Variants in PRDM1 observed in about 807,000 individuals in gnomAD.
PRDM1 encodes the protein PR/SET domain 1.
A neutral mutation model predicts 62.8 loss-of-function variants in PRDM1; 13 were observed. That is an observed-to-expected ratio of 0.21 (90% CI 0.13 to 0.33). The LOEUF (loss-of-function observed/expected upper bound fraction) is 0.33. Ranked by LOEUF, PRDM1 falls within the 10% of genes least tolerant of loss-of-function variation. The pLI, the probability that PRDM1 is intolerant of heterozygous loss-of-function variation, is 1.00. For missense variants in PRDM1, 895 were observed against 1,058.8 expected, an observed-to-expected ratio of 0.85 and a Z score of 2.15; for synonymous variants, 396 against 417.6, an observed-to-expected ratio of 0.95 and a Z score of 0.63.
chr6:106,006,871 T>C (rs531185091), intron 1 of PRDM1, among the ~76,000 whole-genome samples: 3 of 151,990 alleles, frequency 2.0e-5, no homozygotes, highest in South Asian at 4.2e-4. Flanking sequence ...CACAGTAAGC[T>C]TAAAAATGTC....
rs750126221 is a variant in PRDM1, at chr6:106,105,065, G to T, written c.905G>T (p.Arg302Leu). Residue 302 changes from arginine to leucine, a missense_variant, in exon 5 of 7, where the codon CGG becomes CTG. Arg to Leu is a moderately radical substitution (Grantham distance 102, BLOSUM62 -2). Coordinates refer to ENST00000369096, the MANE Select transcript of PRDM1 (RefSeq NM_001198.4). ...TACCCTCGGGTCGTTTACCCCATCC[G>T]GGCCCCTCTGCCAGAAGACTTTTTG... is the stretch of plus-strand genomic sequence containing the variant. ...PFYPRVVYPI[R>L]APLPEDFLKA... is the part of the protein sequence containing the mutation. The T allele has an allele frequency of 1.9e-6, 3 of 1,613,988 alleles. No individual in the cohort carries two copies. Among genetic ancestry groups the T allele is most frequent in the Non-Finnish European group, 2.5e-6 (3 of 1,179,996 alleles).
chr6:106,093,969 GA>G (rs1048903052), intron 2 of PRDM1, among the ~76,000 whole-genome samples: 4 of 151,088 alleles, frequency 2.6e-5, no homozygotes, highest in South Asian at 2.1e-4. Flanking sequence ...AATTGTTTTA[GA>G]AAAAAAAATC....
chr6:106,028,728 T>G (rs1407928039), intron 1 of PRDM1, among the ~76,000 whole-genome samples: 1 of 152,136 alleles, frequency 6.6e-6, no homozygotes, highest in African/African-American at 2.4e-5. Flanking sequence ...GTTGAGATGA[T>G]GAACATTCCA....
At chr6:106,013,368 C>T (rs1464864548) in intron 1 of PRDM1, among the ~76,000 whole-genome samples, 1 of 144,878 alleles carries the variant, frequency 6.9e-6, no homozygotes, top group Non-Finnish European at 1.5e-5. Flanking sequence ...CTCTTTGTTG[C>T]TCGGGCTGGA....
chr6:106,067,187 C>G (rs528909009), intron 1 of PRDM1, among the ~76,000 whole-genome samples: 43 of 152,230 alleles, frequency 2.8e-4, no homozygotes, highest in Non-Finnish European at 4.9e-4. Context: ...GACATTTAAC[C>G]GATTCCACAT....
chr6:106,106,819 T>A lies in PRDM1; in HGVS notation c.1903-92T>A, dbSNP rs1774505462. ...TTCTCACCTCCTAGGTTGCTGGGCGTTGGCCGGTAAGCCTGCCCCTCCCGT... is the reference window on the plus strand; with the variant it reads ...TTCTCACCTCCTAGGTTGCTGGGCGATGGCCGGTAAGCCTGCCCCTCCCGT... On this transcript the variant is annotated intron_variant, in intron 6 of 6. Transcript: ENST00000369096. This position sits in a 1 kb window ranked among gnomAD's most constrained non-coding sequence, Gnocchi z 4.4. The A allele has an allele frequency of 7.2e-7, 1 of 1,388,546 alleles. No individual in the cohort carries two copies. The highest frequency in any genetic ancestry group is 1.4e-5 in the African/African-American group (1 of 69,438). 86.0% of individuals were successfully genotyped at this position (1,388,546 alleles called of 1,614,324 possible).
chr6:106,034,724 C>T lies in PRDM1; in HGVS notation c.-67+41085C>T, dbSNP rs558346107. Among the ~76,000 whole-genome samples, 6 of 151,032 alleles carry T rather than the reference C, an allele frequency of 4.0e-5. No homozygotes were observed. In the East Asian group the frequency reaches 7.8e-4, roughly 20 times the overall value. On this transcript the variant is annotated intron_variant, in intron 1 of 6. Transcript: ENST00000652320. ...TTAGCTCACTGCAACCTCCACCTCC[C>T]GGGTTCAAGTGATTCTCCTGTCTCA...
intron 1 of PRDM1, among the ~76,000 whole-genome samples, chr6:106,015,877 T>C (rs1453008262): frequency 6.6e-6 from 1 of 152,142 alleles, no homozygotes; most frequent in Non-Finnish European, 1.5e-5. Flanking sequence ...TCAAGTATGC[T>C]ATTCAGTAGC....
rs1774527025 is a variant in PRDM1 at position 106,107,413 on chromosome 6, T to C, written c.2405T>C (p.Leu802Ser). Reference sequence around the variant, plus strand: ...TCATCAGATCTACCCCTCATGAAGTTGCCTCCCAGCAACCCACTACCTCTG... The same window carrying C: ...TCATCAGATCTACCCCTCATGAAGTCGCCTCCCAGCAACCCACTACCTCTG... ...YESSDLPLMK[L>S]PPSNPLPLVP... is the part of the protein sequence containing the mutation. Residue 802 changes from leucine to serine, a missense_variant, in exon 7 of 7, where the codon TTG (leucine) becomes TCG (serine). By Grantham distance (145) the Leu-to-Ser change is moderately radical. This residue lies in a region of PRDM1 where 164 missense variants were observed against 179.9 expected (regional missense o/e 0.91). Coordinates refer to ENST00000369096, the MANE Select transcript of PRDM1 (RefSeq NM_001198.4). 1 of 1,613,988 alleles carries C rather than the reference T, an allele frequency of 6.2e-7. No homozygotes were observed. The highest frequency in any genetic ancestry group is 1.7e-5 in the Admixed American group (1 of 60,006).
rs1396658975 is a variant in PRDM1 at position 106,107,820 on chromosome 6, A to G, written c.*334A>G. 5 of 231,978 alleles carry G rather than the reference A, an allele frequency of 2.2e-5. No homozygotes were observed. In the South Asian group the frequency reaches 5.4e-4, roughly 25 times the overall value. 14.4% of individuals were successfully genotyped at this position (231,978 alleles called of 1,614,324 possible). ...CCATTACTAAGACTATTACCTAGTC[A>G]TAATTATTTTTTCAATGATAATCCT... On this transcript the variant is annotated 3_prime_UTR_variant, in exon 7 of 7. Transcript: ENST00000369096.
intron 2 of PRDM1, among the ~76,000 whole-genome samples, chr6:106,094,172 T>G (rs1314146342): frequency 1.3e-5 from 2 of 152,236 alleles, no homozygotes; most frequent in Non-Finnish European, 2.9e-5. Flanking sequence ...AGTCTACCAT[T>G]TCAGGTACAT....
rs541943092 is a variant in PRDM1 at position 106,009,033 on chromosome 6, G to A, written c.-67+15394G>A. ...CAGCAACTGAACACAGGCCCCTCAC[G>A]GCAGTGGTTATATTCTGCCACGTTC... On this transcript the variant is annotated intron_variant, in intron 1 of 6. Transcript: ENST00000652320. Among the ~76,000 whole-genome samples the A allele has an allele frequency of 3.1e-4, 47 of 152,238 alleles. No homozygotes were observed. The South Asian group carries it at 8.5e-3, about 28-fold the overall frequency.
rs111943491 is a variant in PRDM1, at chr6:106,066,612, C to G, written c.-67+17898C>G. ...GGGCATTCTTCTGTTCCTTTCCTGT[C>G]TAACTTTTTTCCTAATTATAAAAGT... On this transcript the variant is annotated intron_variant, in intron 1 of 6. Coordinates refer to the PRDM1 transcript ENST00000651185. 4.4e-3 allele frequency among the ~76,000 whole-genome samples: 673 copies of G among 152,198 alleles called. 5 individuals carry two copies. Among genetic ancestry groups the G allele is most frequent in the African/African-American group, 0.015 (643 of 41,532 alleles).
chr6:106,049,860 C>T (rs762166236), intron 1 of PRDM1, among the ~76,000 whole-genome samples: 1 of 152,158 alleles, frequency 6.6e-6, no homozygotes, highest in Non-Finnish European at 1.5e-5. Context: ...CTTGTTCTCT[C>T]GATTGTCCGT....
At chr6:106,098,897 A>G (rs1325571865) in intron 3 of PRDM1, 1 of 1,509,802 alleles carries the variant, frequency 6.6e-7, no homozygotes, top group Non-Finnish European at 8.9e-7. Flanking sequence ...TCTTCTACCC[A>G]GTGACTCAAA....
rs768899434 is a variant in PRDM1, at chr6:106,105,726, C to A, written c.1566C>A (p.Ala522=). The change falls in exon 5 of 7, where the codon GCC becomes GCA. Residue 522 remains alanine, a synonymous_variant. Transcript: ENST00000369096. Reference sequence around the variant, plus strand: ...GCGGGTCTCCCACGGCGGGAACAGCCGCCACGGCAGAACATGTGGTGCAGC... The same window carrying A: ...GCGGGTCTCCCACGGCGGGAACAGCAGCCACGGCAGAACATGTGGTGCAGC... ...PTSGSPTAGT[A]ATAEHVVQPK... The A allele has an allele frequency of 6.2e-6, 10 of 1,613,726 alleles. No individual in the cohort carries two copies. The highest frequency in any genetic ancestry group is 7.6e-6 in the Non-Finnish European group (9 of 1,179,942).
At chr6:106,032,325 ATT>A (rs71006666) in intron 1 of PRDM1, among the ~76,000 whole-genome samples, 137 of 144,140 alleles carry the variant, frequency 9.5e-4, no homozygotes, top group African/African-American at 3.4e-3. Context: ...CACCCAGCTA[ATT>A]TTTTTTTTTT....
intron 1 of PRDM1, among the ~76,000 whole-genome samples, chr6:106,043,240 C>G (rs528172580): frequency 6.6e-6 from 1 of 152,304 alleles, no homozygotes; most frequent in East Asian, 1.9e-4. Flanking sequence ...GTTATTTTCT[C>G]TCACACAACA....
intron 1 of PRDM1, among the ~76,000 whole-genome samples, chr6:106,070,805 T>C (rs1030490141): frequency 2.0e-5 from 3 of 152,228 alleles, no homozygotes; most frequent in Non-Finnish European, 4.4e-5. Context: ...CTTTTGTGCA[T>C]TTGACAAACA....
Sources: gnomAD v4.1 joint callset for allele counts (sites outside exome capture counted in the v4.1 genomes callset) on GRCh38, gnomAD v4.1.1 for gene constraint, gnomAD v4.1.1 regional missense constraint, Gnocchi (gnomAD v3.1) non-coding constraint, MANE v1.5 for transcripts, NCBI Gene and HGNC (gene_info 2026-07-23, HGNC 2026-07-21) for gene names.